VRK1: variants seen among roughly 807,000 people sequenced by gnomAD.
The protein encoded by VRK1 is VRK serine/threonine kinase 1, also known as serine/threonine-protein kinase VRK1.
A neutral mutation model predicts 57.1 loss-of-function variants in VRK1; 33 were observed. The observed-to-expected ratio is 0.58, with a 90% CI of 0.44 to 0.77. VRK1 has a LOEUF of 0.77. Among genes scored for constraint, VRK1 ranks in the 30% least tolerant of loss-of-function variants. The probability of loss-of-function intolerance (pLI) is 0.00; values close to 1 mark genes in which losing one functional copy is unlikely to be tolerated. For synonymous variants in VRK1, 137 were observed against 147.8 expected (o/e 0.93, Z 0.53); for missense variants, 413 against 477.3 (o/e 0.87, Z 1.25).
intron 11 of VRK1, among the ~76,000 whole-genome samples, chr14:96,862,660 G>A (rs1888436187): frequency 6.6e-6 from 1 of 151,930 alleles, no homozygotes; most frequent in Non-Finnish European, 1.5e-5. Flanking sequence ...TGAGAAGTTG[G>A]GGGCTCCCTG....
chr14:96,797,985 GGC>G (rs1882522153), intron 1 of VRK1, among the ~76,000 whole-genome samples: 1 of 152,158 alleles, frequency 6.6e-6, no homozygotes, highest in Admixed American at 6.5e-5. Context: ...GATCCGGGAG[GGC>G]ATCTCAGAGG....
chr14:96,832,318 G>C (rs1457536150), intron 1 of VRK1, among the ~76,000 whole-genome samples: 1 of 152,110 alleles, frequency 6.6e-6, no homozygotes, highest in Non-Finnish European at 1.5e-5. Context: ...GTTGCATACT[G>C]TCTTAATCAT....
chr14:96,856,161 T>G lies in VRK1; in HGVS notation c.741T>G (p.Leu247=). 6.2e-7 allele frequency: 1 copy of G among 1,613,788 alleles called. No homozygotes were observed. Among genetic ancestry groups the G allele is most frequent in the Non-Finnish European group, 8.5e-7 (1 of 1,179,818 alleles). The change falls in exon 9 of 13, where the codon CTT becomes CTG. Residue 247 remains leucine, a synonymous_variant. Transcript: ENST00000216639. ...APSRRGDLEI[L]GYCMIQWLTG... ...CAAGACGTGGTGATTTGGAAATACT[T>G]GGTTATTGCATGATCCAATGGCTTA... is the stretch of plus-strand genomic sequence containing the variant.
In VRK1 at chr14:96,856,639, A is replaced by T. The variant is rs1888166726; in HGVS notation, c.889+53A>T. 3 of 1,466,486 alleles carry T rather than the reference A, an allele frequency of 2.0e-6. No homozygotes were observed. In the South Asian group the frequency reaches 3.5e-5, roughly 17 times the overall value. 90.8% of individuals were successfully genotyped at this position (1,466,486 alleles called of 1,614,324 possible). On this transcript the variant is annotated intron_variant, in intron 10 of 12. Coordinates refer to ENST00000216639, the MANE Select transcript of VRK1 (RefSeq NM_003384.3). The stretch of plus-strand genomic sequence containing the variant: ...AGGGATTTTGTTTTCTGGGGATAAA[A>T]AGGCATGATATCCATGGAATAGCCC...
chr14:96,860,966 G>C (rs966446638), intron 11 of VRK1: 1 of 354,414 alleles, frequency 2.8e-6, no homozygotes, highest in African/African-American at 2.1e-5. Flanking sequence ...ATTTTAACTT[G>C]GAATACTGAT....
intron 3 of VRK1, among the ~76,000 whole-genome samples, chr14:96,841,569 T>C (rs1421637103): frequency 6.6e-6 from 1 of 152,146 alleles, no homozygotes; most frequent in African/African-American, 2.4e-5. Flanking sequence ...AACAAAACAA[T>C]ACTACTGACC....
chr14:96,840,212 C>T (rs1429004521), intron 3 of VRK1, among the ~76,000 whole-genome samples: 3 of 152,124 alleles, frequency 2.0e-5, no homozygotes, highest in Non-Finnish European at 4.4e-5. Context: ...GGGAAAAAAG[C>T]CAGGGCTGCC....
At position 96,841,006 on chromosome 14, in the gene VRK1, C is replaced by T. The variant is rs557546005; in HGVS notation, c.216+3189C>T. Among the ~76,000 whole-genome samples the T allele has an allele frequency of 9.0e-4, 137 of 152,172 alleles. 1 individual carries two copies. In the South Asian group the frequency reaches 0.012, roughly 13 times the overall value. ...TAGCAGCTGGGACTAAAGGCACGCA[C>T]CACCATGCCCGGCTAATTTTTTTGA... is the stretch of plus-strand genomic sequence containing the variant. On this transcript the variant is annotated intron_variant, in intron 3 of 12. Transcript: ENST00000216639.
At chr14:96,815,337 G>A in intron 1 of VRK1, among the ~76,000 whole-genome samples, 1 of 152,036 alleles carries the variant, frequency 6.6e-6, no homozygotes, top group South Asian at 2.1e-4. Flanking sequence ...AGGAAATGAG[G>A]GATGCAGATA....
intron 5 of VRK1, among the ~76,000 whole-genome samples, chr14:96,852,229 G>A (rs1887978735): frequency 1.3e-5 from 2 of 152,196 alleles, no homozygotes; most frequent in African/African-American, 4.8e-5. Flanking sequence ...CAGCCAAGGT[G>A]ACATAGCTGC....
chr14:96,841,901 AG>A (rs1038415206), intron 3 of VRK1, among the ~76,000 whole-genome samples: 7 of 152,074 alleles, frequency 4.6e-5, no homozygotes, highest in African/African-American at 1.7e-4. Context: ...TTCCCTTTGA[AG>A]GGGAAATTTG....
At chr14:96,867,917 CTG>C (rs2139829868) in intron 11 of VRK1, among the ~76,000 whole-genome samples, 1 of 152,040 alleles carries the variant, frequency 6.6e-6, no homozygotes, top group South Asian at 2.1e-4. Flanking sequence ...TTTATATTAA[CTG>C]TTTTGGCAGA....
At chr14:96,809,484 T>C (rs1387780210) in intron 1 of VRK1, among the ~76,000 whole-genome samples, 2 of 152,190 alleles carry the variant, frequency 1.3e-5, no homozygotes, top group African/African-American at 4.8e-5. Flanking sequence ...GGCATACTTT[T>C]ATATTCATTT....
chr14:96,844,208 C>T (rs1887581325), intron 3 of VRK1, among the ~76,000 whole-genome samples: 6 of 152,188 alleles, frequency 3.9e-5, no homozygotes, highest in Non-Finnish European at 8.8e-5. Flanking sequence ...GCAAGTGTCT[C>T]TTGCAAATGC....
At chr14:96,822,517 A>C (rs1421068410) in intron 1 of VRK1, among the ~76,000 whole-genome samples, 1 of 152,202 alleles carries the variant, frequency 6.6e-6, no homozygotes, top group African/African-American at 2.4e-5. Context: ...TTCATTGCAA[A>C]ACCATTCCTA....
intron 11 of VRK1, among the ~76,000 whole-genome samples, chr14:96,870,582 C>T (rs1454240119): frequency 6.6e-6 from 1 of 152,128 alleles, no homozygotes; most frequent in Non-Finnish European, 1.5e-5. Context: ...TACGTTTGAT[C>T]ATATTAAAGT....
chr14:96,858,374 A>G (rs1888251235), intron 10 of VRK1, among the ~76,000 whole-genome samples: 3 of 152,350 alleles, frequency 2.0e-5, no homozygotes, highest in South Asian at 4.1e-4. Context: ...GATTGTAGGC[A>G]TCAGCCACTG....
intron 1 of VRK1, among the ~76,000 whole-genome samples, chr14:96,828,157 GT>G (rs1886871283): frequency 3.0e-5 from 2 of 67,684 alleles, no homozygotes; most frequent in African/African-American, 7.7e-5. Context: ...TCATTTTCCT[GT>G]TGTTGGACAT....
Position 96,833,493 on chromosome 14 carries a change from C to T in VRK1, c.22C>T (p.Gln8Ter). MPRVKAA[Q>*]AGRQSSAKRH... ...GAAAATGCCTCGTGTAAAAGCAGCT[C>T]AAGCTGGAAGACAGAGCTCTGCAAA... Residue 8 changes from glutamine (Q) to a stop codon, truncating the protein, a stop_gained, in exon 2 of 13, where the codon CAA becomes TAA. Coordinates refer to ENST00000216639, the MANE Select transcript of VRK1 (RefSeq NM_003384.3). LOFTEE classifies it high-confidence loss of function. The T allele has an allele frequency of 6.2e-7, 1 of 1,613,642 alleles. No individual in the cohort carries two copies. The highest frequency in any genetic ancestry group is 8.5e-7 in the Non-Finnish European group (1 of 1,179,714).
Sources: gnomAD v4.1 joint callset for allele counts (sites outside exome capture counted in the v4.1 genomes callset) on GRCh38, gnomAD v4.1.1 for gene constraint, MANE v1.5 for transcripts, NCBI Gene and HGNC (gene_info 2026-07-23, HGNC 2026-07-21) for gene names.